Variants in BBS9 observed in about 807,000 individuals in gnomAD.
BBS9 encodes the protein Bardet-Biedl syndrome 9.
A neutral mutation model predicts 117.7 loss-of-function variants in BBS9; 89 were observed. The ratio of observed to expected loss-of-function variants is 0.76; its 90% CI spans 0.64 to 0.90. The LOEUF is 0.90. BBS9 is among the 40% of genes least tolerant of loss of function. The pLI, the probability that BBS9 is intolerant of heterozygous loss-of-function variation, is 0.00. For synonymous variants in BBS9, 379 were observed against 370.9 expected (o/e 1.02, Z -0.25); for missense variants, 982 against 1,042.2 (o/e 0.94, Z 0.80).
intron 20 of BBS9, among the ~76,000 whole-genome samples, chr7:33,516,380 T>C (rs1414818422): frequency 6.7e-6 from 1 of 149,742 alleles, no homozygotes; most frequent in Non-Finnish European, 1.5e-5. Flanking sequence ...TCCCAGCTAC[T>C]TGGGAGGCTG....
intron 21 of BBS9, among the ~76,000 whole-genome samples, chr7:33,547,010 C>T (rs925344527): frequency 6.6e-6 from 1 of 152,122 alleles, no homozygotes; most frequent in African/African-American, 2.4e-5. Flanking sequence ...TCATGCCCAC[C>T]ATGTATTTTT....
intron 13 of BBS9, among the ~76,000 whole-genome samples, chr7:33,349,938 A>C (rs1388156249): frequency 6.6e-6 from 1 of 152,178 alleles, no homozygotes; most frequent in African/African-American, 2.4e-5. Flanking sequence ...AATCTGCAAA[A>C]AGGGGGTAAT....
intron 5 of BBS9, among the ~76,000 whole-genome samples, chr7:33,204,211 T>C (rs2893466): frequency 0.83 from 124,163 of 148,868 alleles, 51,780 homozygotes; most frequent in Admixed American, 0.87. Flanking sequence ...TCGAGACCAG[T>C]GTGGCCAACA....
chr7:33,530,550 T>C (rs1850419505), intron 20 of BBS9, among the ~76,000 whole-genome samples: 1 of 152,188 alleles, frequency 6.6e-6, no homozygotes, highest in African/African-American at 2.4e-5. Context: ...TGTCAATGGC[T>C]CCAATTGAAA....
intron 5 of BBS9, among the ~76,000 whole-genome samples, chr7:33,229,370 G>T (rs1271643599): frequency 6.6e-6 from 1 of 151,536 alleles, no homozygotes; most frequent in Non-Finnish European, 1.5e-5. Flanking sequence ...TGTGTATTCT[G>T]TCTCCCCATT....
At chr7:33,264,252 TA>T in intron 6 of BBS9, 37 bp from the exon 7 acceptor site, 1 of 1,073,688 alleles carries the variant, frequency 9.3e-7, no homozygotes, top group South Asian at 2.1e-5. Flanking sequence ...TTTTTAATTA[TA>T]AACTCATTTA....
intron 20 of BBS9, among the ~76,000 whole-genome samples, chr7:33,514,658 A>G (rs1447660493): frequency 6.6e-6 from 1 of 152,232 alleles, no homozygotes. Context: ...TTCTTCTTCA[A>G]TAAGATATGC....
chr7:33,286,665 G>C (rs1435963556), intron 9 of BBS9, among the ~76,000 whole-genome samples: 7 of 152,040 alleles, frequency 4.6e-5, no homozygotes, highest in Non-Finnish European at 1.0e-4. Context: ...ATATAAAAGA[G>C]AAAAAGTGAT....
At chr7:33,369,886 G>T (rs1020844798) in intron 17 of BBS9, among the ~76,000 whole-genome samples, 2 of 152,134 alleles carry the variant, frequency 1.3e-5, no homozygotes, top group Non-Finnish European at 2.9e-5. Context: ...AAAGAACCTA[G>T]TATTTCTTCC....
At chr7:33,450,789 A>G (rs1207356092) in intron 19 of BBS9, among the ~76,000 whole-genome samples, 3 of 151,144 alleles carry the variant, frequency 2.0e-5, no homozygotes, top group Non-Finnish European at 4.4e-5. Context: ...TGTCACATAC[A>G]TGGTTTGAAA....
chr7:33,450,570 G>T (rs552022308), intron 19 of BBS9, among the ~76,000 whole-genome samples: 13 of 152,278 alleles, frequency 8.5e-5, no homozygotes, highest in South Asian at 6.2e-4. Context: ...CTGTCCTAAT[G>T]GGGGTGAGGT....
chr7:33,283,415 G>A (rs1802282118), intron 9 of BBS9, among the ~76,000 whole-genome samples: 1 of 151,610 alleles, frequency 6.6e-6, no homozygotes, highest in South Asian at 2.1e-4. Context: ...GTATATATTT[G>A]TTCTTTCTAT....
chr7:33,359,706 GT>G (rs1258392930), intron 16 of BBS9, among the ~76,000 whole-genome samples: 2 of 151,628 alleles, frequency 1.3e-5, no homozygotes, highest in South Asian at 2.1e-4. Context: ...TTCTGTGTCT[GT>G]TTTTTTTAAC....
intron 21 of BBS9, among the ~76,000 whole-genome samples, chr7:33,576,130 G>T (rs1042540855): frequency 6.6e-6 from 1 of 152,046 alleles, no homozygotes. Context: ...CTGTTTGCAG[G>T]TGACATGATT....
intron 19 of BBS9, among the ~76,000 whole-genome samples, chr7:33,505,141 A>C (rs960975784): frequency 1.9e-4 from 29 of 152,212 alleles, no homozygotes; most frequent in African/African-American, 6.8e-4. Context: ...TGATAACTTT[A>C]TTAGAGGTTA....
chr7:33,226,575 A>G (rs1791324126), intron 5 of BBS9, among the ~76,000 whole-genome samples: 1 of 152,228 alleles, frequency 6.6e-6, no homozygotes, highest in Non-Finnish European at 1.5e-5. Context: ...GGGATTAGGA[A>G]AGATATTTAT....
intron 21 of BBS9, among the ~76,000 whole-genome samples, chr7:33,613,493 T>A (rs1034614999): frequency 6.6e-6 from 1 of 151,908 alleles, no homozygotes; most frequent in African/African-American, 2.4e-5. Context: ...TACATCAGGA[T>A]TGCTTGGATA....
chr7:33,265,484 C>CA (rs2128328159), intron 7 of BBS9, among the ~76,000 whole-genome samples: 2 of 152,206 alleles, frequency 1.3e-5, no homozygotes, highest in South Asian at 4.1e-4. Flanking sequence ...GAGCAAGTTA[C>CA]AGCAAGTTTG....
intron 9 of BBS9, among the ~76,000 whole-genome samples, chr7:33,316,665 G>T (rs1281026137): frequency 6.6e-6 from 1 of 151,824 alleles, no homozygotes; most frequent in African/African-American, 2.4e-5. Flanking sequence ...TTTTTTTCGT[G>T]GCTTATTGGC....
Sources: gnomAD v4.1 joint callset for allele counts (sites outside exome capture counted in the v4.1 genomes callset) on GRCh38, gnomAD v4.1.1 for gene constraint, MANE v1.5 for transcripts, NCBI Gene and HGNC (gene_info 2026-07-23, HGNC 2026-07-21) for gene names.